The following BEND5 variants were observed in gnomAD, a reference collection of about 807,000 sequenced individuals.
The protein encoded by BEND5 is BEN domain containing 5.
Under a neutral mutation model 43.9 loss-of-function variants are expected in BEND5, and 22 were observed. The observed-to-expected ratio is 0.50, with a 90% confidence interval of 0.36 to 0.72. The LOEUF (loss-of-function observed/expected upper bound fraction) is 0.72, where lower values mean the gene tolerates loss of function less well. BEND5 is among the 30% of genes least tolerant of loss of function. BEND5 has a pLI of 0.00. For synonymous variants in BEND5, 228 were observed against 225.9 expected, an observed-to-expected ratio of 1.01 and a Z score of -0.08; for missense variants, 428 against 550.6, an observed-to-expected ratio of 0.78 and a Z score of 2.23.
In BEND5 at chr1:48,727,777, C is replaced by T; in HGVS notation, c.*109G>A. 1 of 1,085,650 alleles carries T rather than the reference C, an allele frequency of 9.2e-7. No individual in the cohort carries two copies. Among genetic ancestry groups the T allele is most frequent in the East Asian group, 2.4e-5 (1 of 41,062 alleles). 67.3% of individuals were successfully genotyped at this position (1,085,650 alleles called of 1,614,324 possible). A position where few individuals can be genotyped will look rare whatever the true frequency, so the allele number is the denominator to read the frequency against. On this transcript the variant is annotated 3_prime_UTR_variant, in exon 6 of 6. Transcript: ENST00000371833. The stretch of plus-strand genomic sequence containing the variant: ...CGCTGACCCCAGAACCCGATGGATC[C>T]CTGCACACACACCACCATGCACGGT...
At chr1:48,767,246 C>T (rs1644574384) in intron 1 of BEND5, among the ~76,000 whole-genome samples, 1 of 152,130 alleles carries the variant, frequency 6.6e-6, no homozygotes. Context: ...GTTTCATTAC[C>T]AGTGAAGTGG....
At chr1:48,745,926 AAGG>A (rs1270711813) in intron 3 of BEND5, among the ~76,000 whole-genome samples, 2 of 152,154 alleles carry the variant, frequency 1.3e-5, no homozygotes, top group South Asian at 2.1e-4. Flanking sequence ...TCCCCTACTA[AAGG>A]AGGAGGGAGC....
At chr1:48,749,031 G>C (rs1651230225) in intron 3 of BEND5, among the ~76,000 whole-genome samples, 1 of 152,080 alleles carries the variant, frequency 6.6e-6, no homozygotes, top group African/African-American at 2.4e-5. Context: ...GGATCCGAGA[G>C]AGCCCCCTTT....
rs777673442 is a variant in BEND5, at chr1:48,736,420, C to T, written c.927G>A (p.Glu309=). The change falls in exon 5 of 6, where the codon GAG becomes GAA. Residue 309 remains glutamate (E), a synonymous_variant. Transcript: ENST00000371833. The surrounding 1 kb of genome is among the most constrained non-coding windows in gnomAD (Gnocchi z 4.0). The stretch of plus-strand genomic sequence containing the variant: ...TTACTTGTAGCTGGTGCCATTTCTC[C>T]TCATCAACCCAAATCCCGCTTCCCA... ...VHLGSGIWVD[E]EKWHQLQVTQ... The T allele has an allele frequency of 3.7e-6, 6 of 1,614,134 alleles. No individual in the cohort carries two copies. The highest frequency in any genetic ancestry group is 1.1e-5 in the South Asian group (1 of 91,090).
intron 3 of BEND5, among the ~76,000 whole-genome samples, chr1:48,756,146 T>G (rs769205891): frequency 6.6e-6 from 1 of 152,206 alleles, no homozygotes; most frequent in Non-Finnish European, 1.5e-5. Context: ...ATTTTACATA[T>G]GAGAACACTG....
At chr1:48,765,900 G>A (rs572406827) in intron 1 of BEND5, among the ~76,000 whole-genome samples, 1 of 152,292 alleles carries the variant, frequency 6.6e-6, no homozygotes, top group East Asian at 1.9e-4. Flanking sequence ...TTGTTACCAA[G>A]AGCAGGGGGA....
intron 3 of BEND5, among the ~76,000 whole-genome samples, chr1:48,754,586 GA>G: frequency 6.6e-6 from 1 of 152,282 alleles, no homozygotes; most frequent in African/African-American, 2.4e-5. Flanking sequence ...GGAGAAAAAG[GA>G]AAAGGGGACT....
At chr1:48,769,119 C>A (rs957665910) in intron 1 of BEND5, among the ~76,000 whole-genome samples, 1 of 152,216 alleles carries the variant, frequency 6.6e-6, no homozygotes, top group Admixed American at 6.5e-5. Context: ...ACAGATCCAT[C>A]CAGCTATGTG....
intron 3 of BEND5, among the ~76,000 whole-genome samples, chr1:48,743,759 T>A (rs114056380): frequency 6.6e-6 from 1 of 152,152 alleles, no homozygotes; most frequent in Admixed American, 6.5e-5. Flanking sequence ...TCTTTATATA[T>A]TAAAGCCCTT....
intron 3 of BEND5, among the ~76,000 whole-genome samples, chr1:48,750,098 C>T (rs761582356): frequency 1.3e-5 from 2 of 152,178 alleles, no homozygotes; most frequent in African/African-American, 2.4e-5. Context: ...TGCTGATACT[C>T]CCTTCAGGCC....
intron 3 of BEND5, among the ~76,000 whole-genome samples, chr1:48,743,396 A>T (rs1372150995): frequency 6.6e-6 from 1 of 152,262 alleles, no homozygotes; most frequent in Non-Finnish European, 1.5e-5. Context: ...AAGCTAGATA[A>T]ATGGTGATAG....
rs139603253 is a variant in BEND5 at position 48,735,450 on chromosome 1, G to A, written c.1108+789C>T. 2.0e-4 allele frequency among the ~76,000 whole-genome samples: 30 copies of A among 151,464 alleles called. No homozygotes were observed. The East Asian group carries it at 5.6e-3, about 28-fold the overall frequency. On this transcript the variant is annotated intron_variant, in intron 5 of 5. Transcript: ENST00000371833. ...AGGAGAAAGAAGAGAGGAGGAAGGA[G>A]AGAAAGTAGAGGAAGGAGGAAAGGA...
chr1:48,736,494 G>C lies in BEND5; in HGVS notation c.895-42C>G. 1.3e-6 allele frequency: 2 copies of C among 1,560,856 alleles called. No homozygotes were observed. The highest frequency in any genetic ancestry group is 1.8e-6 in the Non-Finnish European group (2 of 1,133,936). The stretch of plus-strand genomic sequence containing the variant: ...CACCAGCACCTGTTTAGTCCGACAG[G>C]AGGGCAGTGGGAGGCTTCTCTTGTC... On this transcript the variant is annotated intron_variant, in intron 4 of 5. Coordinates refer to ENST00000371833, the MANE Select transcript of BEND5 (RefSeq NM_024603.4). This position sits in a 1 kb window ranked among gnomAD's most constrained non-coding sequence, Gnocchi z 4.0.
In BEND5 at chr1:48,736,312, G is replaced by A. The variant is rs114450193; in HGVS notation, c.1035C>T (p.Gly345=). The A allele has an allele frequency of 3.8e-3, 6,099 of 1,614,010 alleles. 21 individuals carry two copies. The highest frequency in any genetic ancestry group is 4.8e-3 in the Non-Finnish European group (5,627 of 1,179,974). The change falls in exon 5 of 6, where the codon GGC becomes GGT. Residue 345 remains glycine, a synonymous_variant. Coordinates refer to ENST00000371833, the MANE Select transcript of BEND5 (RefSeq NM_024603.4). This position sits in a 1 kb window ranked among gnomAD's most constrained non-coding sequence, Gnocchi z 4.0. Reference sequence around the variant, plus strand: ...CATCTTTCTTTTTTTTTGTGGCGACGCCTGTGACGCTTCTGTTTTTCAGAA... The same window carrying A: ...CATCTTTCTTTTTTTTTGTGGCGACACCTGTGACGCTTCTGTTTTTCAGAA... ...TDVLKNRSVT[G]VATKKKKDAV... is the part of the protein sequence containing the mutation.
At chr1:48,771,232 C>T (rs1376616025) in intron 1 of BEND5, among the ~76,000 whole-genome samples, 1 of 152,172 alleles carries the variant, frequency 6.6e-6, no homozygotes, top group Non-Finnish European at 1.5e-5. Context: ...AAAGAGTACA[C>T]ACAACTTCTG....
At chr1:48,738,282 ATCAG>A (rs973665549) in intron 4 of BEND5, among the ~76,000 whole-genome samples, 5 of 152,338 alleles carry the variant, frequency 3.3e-5, no homozygotes, top group Admixed American at 2.6e-4. Context: ...TGCTCAAAAG[ATCAG>A]TCAGACTGCT....
rs1645106620 is a variant in BEND5, at chr1:48,776,672, G to T, written c.160C>A (p.Pro54Thr). Reference sequence around the variant, plus strand: ...CCCCAGTCGCGGGGGGCGCGCGGGGGGCTCTCGGGCCCGGCGCCCAATTCC... The same window carrying T: ...CCCCAGTCGCGGGGGGCGCGCGGGGTGCTCTCGGGCCCGGCGCCCAATTCC... ...PEELGAGPESPPRAPRDWGAL... is the reference protein window; with the variant it reads ...PEELGAGPESTPRAPRDWGAL... Residue 54 changes from proline (P) to threonine (T), a missense_variant, in exon 1 of 6, where the codon CCC becomes ACC. Physicochemically the swap from Pro to Thr is conservative, Grantham distance 38 (BLOSUM62 -1). Around this residue, in one of 4 missense-constraint regions of BEND5, gnomAD observed 107 missense variants for 98.8 expected, o/e 1.08. Coordinates refer to ENST00000371833, the MANE Select transcript of BEND5 (RefSeq NM_024603.4). 6.7e-7 allele frequency: 1 copy of T among 1,500,092 alleles called. No individual in the cohort carries two copies. Among genetic ancestry groups the T allele is most frequent in the Non-Finnish European group, 8.9e-7 (1 of 1,127,084 alleles). The allele number at this position is 1,500,092 out of a possible 1,614,324, so 92.9% of individuals were successfully genotyped here.
chr1:48,739,410 G>C (rs555056124), intron 4 of BEND5, among the ~76,000 whole-genome samples: 1 of 152,226 alleles, frequency 6.6e-6, no homozygotes, highest in South Asian at 2.1e-4. Context: ...GGCTTTGAAG[G>C]CCCATTAGAA....
intron 2 of BEND5, among the ~76,000 whole-genome samples, chr1:48,759,984 T>A (rs1204149383): frequency 6.6e-6 from 1 of 152,162 alleles, no homozygotes; most frequent in Non-Finnish European, 1.5e-5. Context: ...TTTAACTGCC[T>A]CATGTTACAG....
Sources: allele counts gnomAD v4.1 joint callset (sites outside exome capture counted in the v4.1 genomes callset), GRCh38; gene constraint gnomAD v4.1.1; regional missense constraint gnomAD v4.1.1; non-coding constraint Gnocchi (gnomAD v3.1); transcripts MANE v1.5; gene names NCBI Gene and HGNC (gene_info 2026-07-23, HGNC 2026-07-21).